The following PLOD3 variants were observed in gnomAD, a reference collection of about 807,000 sequenced individuals.
The protein encoded by PLOD3 is procollagen-lysine,2-oxoglutarate 5-dioxygenase 3, also known as multifunctional procollagen lysine hydroxylase and glycosyltransferase LH3.
PLOD3 carries 73 observed loss-of-function variants against 96.9 expected under a neutral mutation model. The observed-to-expected ratio is 0.75, with a 90% confidence interval of 0.62 to 0.92. The LOEUF (loss-of-function observed/expected upper bound fraction) is 0.92. PLOD3 is among the 40% of genes least tolerant of loss of function. The probability of loss-of-function intolerance (pLI) is 0.00; values close to 1 mark genes in which losing one functional copy is unlikely to be tolerated. For missense variants in PLOD3, 1,004 were observed against 1,004.3 expected (o/e 1.00, Z 0.00); for synonymous variants, 454 against 413.7 (o/e 1.10, Z -1.18).
Position 101,208,950 on chromosome 7 carries a change from G to A in PLOD3, c.1691C>T (p.Pro564Leu), listed in dbSNP as rs749637576. The A allele has an allele frequency of 3.2e-5, 52 of 1,611,874 alleles. No individual in the cohort carries two copies. The highest frequency in any genetic ancestry group is 8.3e-5 in the Admixed American group (5 of 59,976). The change falls in exon 16 of 19, where the codon CCG (proline) becomes CTG (leucine). Residue 564 changes from proline (P) to leucine (L), a missense_variant. Pro to Leu is a moderately conservative substitution (Grantham distance 98). This residue lies in a region of PLOD3 where 65 missense variants were observed against 68.8 expected (regional missense o/e 0.94). Coordinates refer to ENST00000223127, the MANE Select transcript of PLOD3 (RefSeq NM_001084.5). ...CAGCAGTGGGAACCAGTACACGTCCGGGCATGGCTGAGGATGGGGCGAGGG... is the reference window on the plus strand; with the variant it reads ...CAGCAGTGGGAACCAGTACACGTCCAGGCATGGCTGAGGATGGGGCGAGGG... ...EGEGIVEQPC[P>L]DVYWFPLLSE...
chr7:101,206,664 C>A, intron 18 of PLOD3, 115 bp downstream of exon 18: 1 of 1,287,032 alleles, frequency 7.8e-7, no homozygotes, highest in Non-Finnish European at 1.1e-6. Flanking sequence ...CTGATACCCA[C>A]AAAGTCACTG....
At position 101,206,841 on chromosome 7, in the gene PLOD3, G is replaced by A. The variant is rs1337909973; in HGVS notation, c.1999C>T (p.His667Tyr). 5 of 1,572,124 alleles carry A rather than the reference G, an allele frequency of 3.2e-6. No individual in the cohort carries two copies. In the East Asian group the frequency reaches 9.3e-5, roughly 29 times the overall value. The change falls in exon 18 of 19, where the codon CAC (histidine) becomes TAC (tyrosine). Residue 667 changes from histidine to tyrosine, a missense_variant. Transcript: ENST00000223127. ...AGGGTGAAGGTGGATGAGTCGTGGT[G>A]TGGCCGCAGAGACGGCTGCTCGTCT... ...RPDEQPSLRP[H>Y]HDSSTFTLNV...
chr7:101,216,471 A>G lies in PLOD3; in HGVS notation c.277T>C (p.Leu93=). Residue 93 remains leucine, a synonymous_variant, in exon 3 of 19, where the codon TTA becomes CTA. Coordinates refer to ENST00000223127, the MANE Select transcript of PLOD3 (RefSeq NM_001084.5). ...TVGGGQKVRW[L]KKEMEKYADR... ...GCGTATTTCTCCATTTCCTTCTTTA[A>G]CCACCGGACCTTCTGTCCTCCACCA... is the stretch of plus-strand genomic sequence containing the variant. 1 of 1,613,540 alleles carries G rather than the reference A, an allele frequency of 6.2e-7. No homozygotes were observed. The highest frequency in any genetic ancestry group is 8.5e-7 in the Non-Finnish European group (1 of 1,179,900).
intron 12 of PLOD3, chr7:101,211,308 T>C: frequency 5.4e-6 from 2 of 372,598 alleles, no homozygotes; most frequent in Non-Finnish European, 4.9e-6. Flanking sequence ...GCCTCCGTAG[T>C]AGCTGGGACC....
chr7:101,217,173 G>A lies in PLOD3; in HGVS notation c.102C>T (p.Val34=), dbSNP rs1798291702. The change falls in exon 1 of 19, where the codon GTC becomes GTT. Residue 34 remains valine, a synonymous_variant. Coordinates refer to ENST00000223127, the MANE Select transcript of PLOD3 (RefSeq NM_001084.5). ...ASDRPRGRDP[V]NPEKLLVITV... ...GCCTCCCCGGGATCTCACCTGGGTTGACCGGGTCTCGGCCCCGGGGCCGGT... is the reference window on the plus strand; with the variant it reads ...GCCTCCCCGGGATCTCACCTGGGTTAACCGGGTCTCGGCCCCGGGGCCGGT... The A allele has an allele frequency of 6.7e-7, 1 of 1,487,552 alleles. No homozygotes were observed. Among genetic ancestry groups the A allele is most frequent in the African/African-American group, 1.4e-5 (1 of 70,894 alleles). The allele number at this position is 1,487,552 out of a possible 1,614,324, so 92.1% of individuals were successfully genotyped here. A position where few individuals can be genotyped will look rare whatever the true frequency, so the allele number is the denominator to read the frequency against.
chr7:101,213,880 G>C (rs1199108807), intron 6 of PLOD3, among the ~76,000 whole-genome samples: 1 of 151,778 alleles, frequency 6.6e-6, no homozygotes, highest in African/African-American at 2.4e-5. Context: ...TGTGTTTTTA[G>C]TAGAGACAGG....
At chr7:101,213,481 C>T (rs1400790772) in intron 6 of PLOD3, 1 of 510,334 alleles carries the variant, frequency 2.0e-6, no homozygotes, top group Non-Finnish European at 3.5e-6. Context: ...GCATCCCTAC[C>T]CCTCCTCATA....
chr7:101,208,452 G>C, intron 16 of PLOD3: 1 of 334,534 alleles, frequency 3.0e-6, no homozygotes, highest in South Asian at 2.4e-5. Flanking sequence ...TGTTGGTCAG[G>C]CTGGTCTCGA....
intron 5 of PLOD3, among the ~76,000 whole-genome samples, 185 bp from the exon 6 acceptor site, chr7:101,215,337 C>G (rs1798250821): frequency 6.6e-6 from 1 of 152,208 alleles, no homozygotes; most frequent in African/African-American, 2.4e-5. Context: ...TTCAGCCTTC[C>G]AAGTAACTGG....
In PLOD3 at chr7:101,206,192, A is replaced by C; in HGVS notation, c.*89T>G. 7.8e-7 allele frequency: 1 copy of C among 1,274,578 alleles called. No individual in the cohort carries two copies. The highest frequency in any genetic ancestry group is 1.1e-6 in the Non-Finnish European group (1 of 872,018). 79.0% of individuals were successfully genotyped at this position (1,274,578 alleles called of 1,614,324 possible). On this transcript the variant is annotated 3_prime_UTR_variant, in exon 19 of 19. Transcript: ENST00000223127. ...ACATGAACTCAGGAAGTGGGGAGACAGAGAGACCCATCCCCCAACTCCCAG... is the reference window on the plus strand; with the variant it reads ...ACATGAACTCAGGAAGTGGGGAGACCGAGAGACCCATCCCCCAACTCCCAG...
In PLOD3 at chr7:101,210,584, G is replaced by A. The variant is rs143759215; in HGVS notation, c.1448C>T (p.Ser483Leu). Residue 483 changes from serine to leucine, a missense_variant, in exon 13 of 19, where the codon TCG (serine) becomes TTG (leucine). By Grantham distance (145) the Ser-to-Leu change is moderately radical (BLOSUM62 -2). This residue lies in a region of PLOD3 where 690 missense variants were observed against 650.2 expected (regional missense o/e 1.06). Coordinates refer to ENST00000223127, the MANE Select transcript of PLOD3 (RefSeq NM_001084.5). ...CATGTCCGGGTCTGTGTCACTGCCCGAGAACACATCCCTCTGGGGCAGCTC... is the reference window on the plus strand; with the variant it reads ...CATGTCCGGGTCTGTGTCACTGCCCAAGAACACATCCCTCTGGGGCAGCTC... Reference protein sequence around the residue: ...RMELPQRDVFSGSDTDPDMAF... With the variant: ...RMELPQRDVFLGSDTDPDMAF... The A allele has an allele frequency of 1.2e-4, 192 of 1,614,160 alleles. 1 individual carries two copies. In the East Asian group the frequency reaches 3.1e-3, roughly 26 times the overall value.
chr7:101,216,620 G>T, intron 2 of PLOD3, 74 bp from the exon 3 acceptor site: 1 of 1,609,452 alleles, frequency 6.2e-7, no homozygotes, highest in Non-Finnish European at 8.5e-7. Flanking sequence ...GGCTTACCGT[G>T]GGGACCTGGG....
chr7:101,215,044 T>C (rs770703276), intron 6 of PLOD3, 45 bp downstream of exon 6: 7 of 1,417,200 alleles, frequency 4.9e-6, no homozygotes, highest in Admixed American at 1.7e-5. Flanking sequence ...GACCCCTAGC[T>C]GCAGAGGCTG....
At chr7:101,209,208 CTCTT>C (rs1798139679) in intron 15 of PLOD3, among the ~76,000 whole-genome samples, 1 of 151,248 alleles carries the variant, frequency 6.6e-6, no homozygotes, top group South Asian at 2.1e-4. Context: ...CAGTGCATAC[CTCTT>C]TTTTTTTTTT....
Position 101,212,467 on chromosome 7 carries a change from C to G in PLOD3, c.1005+63G>C, listed in dbSNP as rs151289223. On this transcript the variant is annotated intron_variant, in intron 9 of 18. Coordinates refer to ENST00000223127, the MANE Select transcript of PLOD3 (RefSeq NM_001084.5). ...CAGGAAGGAGATGGGGGTGGGGGCACGAGAGTTCTGATCAGGGCAGGGAAA... is the reference window on the plus strand; with the variant it reads ...CAGGAAGGAGATGGGGGTGGGGGCAGGAGAGTTCTGATCAGGGCAGGGAAA... The G allele has an allele frequency of 3.4e-3, 5,390 of 1,588,686 alleles. 12 individuals are homozygous for G. Among genetic ancestry groups the G allele is most frequent in the Non-Finnish European group, 4.1e-3 (4,805 of 1,158,798 alleles).
chr7:101,213,830 C>T, intron 6 of PLOD3, among the ~76,000 whole-genome samples: 1 of 152,012 alleles, frequency 6.6e-6, no homozygotes, highest in Non-Finnish European at 1.5e-5. Flanking sequence ...TCCCGGGTAG[C>T]CAGGATTACA....
intron 3 of PLOD3, 26 bp from the exon 4 acceptor site, chr7:101,216,352 AG>A (rs1162434382): frequency 1.2e-6 from 2 of 1,613,566 alleles, no homozygotes; most frequent in South Asian, 2.2e-5. Context: ...GAGGATGGGC[AG>A]GGGTCCACTG....
chr7:101,216,909 A>G, intron 1 of PLOD3, 123 bp from the exon 2 acceptor site: 1 of 795,576 alleles, frequency 1.3e-6, no homozygotes, highest in Non-Finnish European at 2.1e-6. Flanking sequence ...AACTCTTCTC[A>G]CCCAGGAACA....
chr7:101,215,233 TTTC>T (rs1798249644), intron 5 of PLOD3, 81 bp from the exon 6 acceptor site: 1 of 1,074,960 alleles, frequency 9.3e-7, no homozygotes, highest in Non-Finnish European at 1.5e-6. Context: ...TCTCTCTTTT[TTTC>T]TTCTCTTGCT....
Sources: gnomAD v4.1 joint callset for allele counts (sites outside exome capture counted in the v4.1 genomes callset) on GRCh38, gnomAD v4.1.1 for gene constraint, gnomAD v4.1.1 regional missense constraint, MANE v1.5 for transcripts, NCBI Gene and HGNC (gene_info 2026-07-23, HGNC 2026-07-21) for gene names.